Variants in TEP1 observed in about 807,000 individuals in gnomAD.
TEP1 encodes telomerase associated protein 1.
A neutral mutation model predicts 306.3 loss-of-function variants in TEP1; 241 were observed. That is an observed-to-expected ratio of 0.79 (90% CI 0.71 to 0.88). The LOEUF is 0.88. TEP1 is among the 40% of genes least tolerant of loss of function. TEP1 has a pLI of 0.00. For missense variants in TEP1, 3,051 were observed against 3,276.1 expected (o/e 0.93, Z 1.68); for synonymous variants, 1,289 against 1,305.5 (o/e 0.99, Z 0.27).
chr14:20,413,459 G>C lies in TEP1; in HGVS notation c.-79C>G, dbSNP rs898628984. The C allele has an allele frequency of 6.6e-6, 1 of 152,372 alleles. No homozygotes were observed. The highest frequency in any genetic ancestry group is 1.5e-5 in the Non-Finnish European group (1 of 68,188). 9.4% of individuals were successfully genotyped at this position (152,372 alleles called of 1,614,324 possible). A position where few individuals can be genotyped will look rare whatever the true frequency, so the allele number is the denominator to read the frequency against. ...CAGAAACTTCGCTCTGGATTCTGCC[G>C]GTGGGAAGGGTGGCAGCCGGGGGAG... is the stretch of plus-strand genomic sequence containing the variant. On this transcript the variant is annotated 5_prime_UTR_variant, in exon 1 of 55. Transcript: ENST00000262715.
intron 43 of TEP1, 72 bp from the exon 44 acceptor site, chr14:20,374,608 G>C: frequency 9.2e-7 from 1 of 1,084,528 alleles, no homozygotes; most frequent in Non-Finnish European, 1.3e-6. Context: ...TGTAGTGTAG[G>C]GTGGAAGGCG....
At chr14:20,375,296 A>C (rs956571686) in intron 43 of TEP1, among the ~76,000 whole-genome samples, 2 of 152,036 alleles carry the variant, frequency 1.3e-5, no homozygotes, top group Non-Finnish European at 2.9e-5. Flanking sequence ...AGCTGGGATT[A>C]CAGGCATGTG....
In TEP1 at chr14:20,384,091, C is replaced by G; in HGVS notation, c.3481G>C (p.Gly1161Arg). The G allele has an allele frequency of 6.2e-7, 1 of 1,613,816 alleles. No individual in the cohort carries two copies. Among genetic ancestry groups the G allele is most frequent in the African/African-American group, 1.3e-5 (1 of 75,034 alleles). ...TGCCCCGTCACCAGGCTCAGCCTTC[C>G]GTGGGGCAGCATCAGCCGTTGCACT... ...DTVQRLMLPH[G>R]RLSLVTGQSG... Residue 1161 changes from glycine (G) to arginine (R), a missense_variant, in exon 24 of 55, where the codon GGA becomes CGA. This residue lies in a region of TEP1 where 1,507 missense variants were observed against 1,550.5 expected (regional missense o/e 0.97). Coordinates refer to ENST00000262715, the MANE Select transcript of TEP1 (RefSeq NM_007110.5).
At position 20,376,283 on chromosome 14, in the gene TEP1, G is replaced by A; in HGVS notation, c.6089-19C>T. ...AAATCCTCTGCATTGGAAAAAGAGA[G>A]AGGGAACAGCTTCCTGAAAGAGGAA... On this transcript the variant is annotated intron_variant, in intron 41 of 54. Coordinates refer to ENST00000262715, the MANE Select transcript of TEP1 (RefSeq NM_007110.5). The A allele has an allele frequency of 9.3e-6, 15 of 1,605,542 alleles. No individual in the cohort carries two copies. Among genetic ancestry groups the A allele is most frequent in the Non-Finnish European group, 1.3e-5 (15 of 1,175,390 alleles).
chr14:20,381,438 A>G lies in TEP1; in HGVS notation c.4559-37T>C, dbSNP rs1876519787. The G allele has an allele frequency of 1.2e-6, 2 of 1,613,450 alleles. No individual in the cohort carries two copies. Among genetic ancestry groups the G allele is most frequent in the South Asian group, 1.1e-5 (1 of 91,080 alleles). Reference sequence around the variant, plus strand: ...GATATTGAGAAAGGCTCAGCCCTGCATCATTCCCAAGGGCAGTAGGTGAGC... The same window carrying G: ...GATATTGAGAAAGGCTCAGCCCTGCGTCATTCCCAAGGGCAGTAGGTGAGC... On this transcript the variant is annotated intron_variant, in intron 31 of 54. Coordinates refer to ENST00000262715, the MANE Select transcript of TEP1 (RefSeq NM_007110.5). The surrounding 1 kb of genome is among the most constrained non-coding windows in gnomAD (Gnocchi z 4.0).
Position 20,390,990 on chromosome 14 carries a change from T to G in TEP1, c.2204A>C (p.Lys735Thr), listed in dbSNP as rs1877657943. 9.3e-6 allele frequency: 15 copies of G among 1,614,164 alleles called. No individual in the cohort carries two copies. The highest frequency in any genetic ancestry group is 1.3e-5 in the Non-Finnish European group (15 of 1,180,032). Residue 735 changes from lysine to threonine, a missense_variant, in exon 14 of 55, where the codon AAG becomes ACG. Physicochemically the swap from Lys to Thr is moderately conservative, Grantham distance 78. Coordinates refer to ENST00000262715, the MANE Select transcript of TEP1 (RefSeq NM_007110.5). ...AGTCTTCAGGATGCCTTCTTCTGCC[T>G]TAAGCACTGCAGTCTTCAGAGTGTC... ...GGDTLKTAVLKAEEGILKTAI... is the reference protein window; with the variant it reads ...GGDTLKTAVLTAEEGILKTAI...
rs1338924911 is a variant in TEP1 at position 20,379,993 on chromosome 14, C to A, written c.5064G>T (p.Gly1688=). ...TGGCAGTGCCCACAGCTGCTCTTTG[C>A]CCATTGGTGGAGAAGGCCACAGCAG... ...SPTAVAFSTN[G]QRAAVGTANG... The change falls in exon 35 of 55, where the codon GGG becomes GGT. Residue 1688 remains glycine, a synonymous_variant. Transcript: ENST00000262715. 1 of 1,614,082 alleles carries A rather than the reference C, an allele frequency of 6.2e-7. No homozygotes were observed. Among genetic ancestry groups the A allele is most frequent in the South Asian group, 1.1e-5 (1 of 91,062 alleles).
chr14:20,386,231 TGGGG>T (rs747241041), intron 19 of TEP1, 36 bp from the exon 20 acceptor site: 1 of 1,613,062 alleles, frequency 6.2e-7, no homozygotes, highest in Non-Finnish European at 8.5e-7. Context: ...TGGGAGTCAC[TGGGG>T]GCATGGTATC....
intron 44 of TEP1, 102 bp from the exon 45 acceptor site, chr14:20,373,912 T>C (rs1885018531): frequency 4.1e-6 from 6 of 1,470,210 alleles, no homozygotes; most frequent in Non-Finnish European, 5.5e-6. Flanking sequence ...GCATGGAAGA[T>C]GTCAATGAGG....
chr14:20,401,446 C>A lies in TEP1; in HGVS notation c.1391+11G>T. 6.2e-7 allele frequency: 1 copy of A among 1,613,410 alleles called. No homozygotes were observed. Among genetic ancestry groups the A allele is most frequent in the Non-Finnish European group, 8.5e-7 (1 of 1,179,770 alleles). The stretch of plus-strand genomic sequence containing the variant: ...TTAGATGGAATGCATGCTCAGGGTG[C>A]AGCTTCTCACCTGTAACCCAGCAGG... On this transcript the variant is annotated intron_variant, in intron 8 of 54. Coordinates refer to ENST00000262715, the MANE Select transcript of TEP1 (RefSeq NM_007110.5).
At chr14:20,409,358 C>T (rs1354541978) in intron 1 of TEP1, among the ~76,000 whole-genome samples, 1 of 152,164 alleles carries the variant, frequency 6.6e-6, no homozygotes, top group East Asian at 1.9e-4. Context: ...TATTCTAATC[C>T]TTTTACATAC....
At chr14:20,369,832 C>G in intron 51 of TEP1, 53 bp from the exon 52 acceptor site, 1 of 1,419,656 alleles carries the variant, frequency 7.0e-7, no homozygotes, top group East Asian at 2.3e-5. Flanking sequence ...TCAACTTGTA[C>G]CAGACAAAAC....
chr14:20,370,308 A>C (rs1216554827), intron 51 of TEP1, among the ~76,000 whole-genome samples: 2 of 152,230 alleles, frequency 1.3e-5, no homozygotes, highest in African/African-American at 4.8e-5. Context: ...GAGCATTTCC[A>C]TCACCTCAGA....
At chr14:20,391,889 C>T (rs1199269216) in intron 12 of TEP1, 122 bp from the exon 13 acceptor site, 3 of 1,032,634 alleles carry the variant, frequency 2.9e-6, no homozygotes, top group East Asian at 2.5e-5. Context: ...GCACCATACC[C>T]GCTTCCACAG....
intron 5 of TEP1, among the ~76,000 whole-genome samples, chr14:20,404,148 C>T (rs371744900): frequency 5.3e-5 from 8 of 152,124 alleles, no homozygotes; most frequent in Admixed American, 1.3e-4. Context: ...TGAGGTCAGG[C>T]GTTCAAGACC....
In TEP1 at chr14:20,370,952, C is replaced by T. The variant is rs3818768; in HGVS notation, c.7317+266G>A. On this transcript the variant is annotated intron_variant, in intron 51 of 54. Coordinates refer to ENST00000262715, the MANE Select transcript of TEP1 (RefSeq NM_007110.5). Reference sequence around the variant, plus strand: ...TCATAGGGGCAAGACAAGAGAGACACGGGAAAAAATGCAATTGAGAAAACT... The same window carrying T: ...TCATAGGGGCAAGACAAGAGAGACATGGGAAAAAATGCAATTGAGAAAACT... Among the ~76,000 whole-genome samples the T allele has an allele frequency of 2.5e-3, 385 of 152,248 alleles. 7 individuals carry two copies. In the East Asian group the frequency reaches 0.051, roughly 20 times the overall value.
At position 20,389,710 on chromosome 14, in the gene TEP1, T is replaced by C. The variant is rs997245827; in HGVS notation, c.2365A>G (p.Met789Val). ...GCCACATTTATCATTCCATCATCCA[T>C]GCTTTGGCCAAGGAGGATGACCCTG... ...VDRVILLGQS[M>V]DDGMINVAKQ... The change falls in exon 16 of 55, where the codon ATG becomes GTG. Residue 789 changes from methionine (M) to valine (V), a missense_variant. Around this residue, in one of 3 missense-constraint regions of TEP1, gnomAD observed 1,507 missense variants for 1,550.5 expected, o/e 0.97. Transcript: ENST00000262715. The C allele has an allele frequency of 3.1e-6, 5 of 1,614,178 alleles. No homozygotes were observed. The African/African-American group carries it at 5.3e-5, about 17-fold the overall frequency.
chr14:20,410,480 T>G (rs1284023019), intron 1 of TEP1, among the ~76,000 whole-genome samples: 1 of 152,094 alleles, frequency 6.6e-6, no homozygotes, highest in South Asian at 2.1e-4. Context: ...TGGAGTGCAA[T>G]GGCACGATCT....
chr14:20,380,061 A>G lies in TEP1; in HGVS notation c.5004-8T>C. 6.2e-7 allele frequency: 1 copy of G among 1,607,750 alleles called. No homozygotes were observed. The highest frequency in any genetic ancestry group is 8.5e-7 in the Non-Finnish European group (1 of 1,178,108). On this transcript the variant is annotated splice_polypyrimidine_tract_variant and splice_region_variant and intron_variant, in intron 34 of 54. Coordinates refer to ENST00000262715, the MANE Select transcript of TEP1 (RefSeq NM_007110.5). ...GCCAGAGACAGGCTGGAGCTAGAGA[A>G]AGAGTAGGAAGAAAGGGAGGAAATA...
Sources: gnomAD v4.1 joint callset for allele counts (sites outside exome capture counted in the v4.1 genomes callset) on GRCh38, gnomAD v4.1.1 for gene constraint, gnomAD v4.1.1 regional missense constraint, Gnocchi (gnomAD v3.1) non-coding constraint, MANE v1.5 for transcripts, NCBI Gene and HGNC (gene_info 2026-07-23, HGNC 2026-07-21) for gene names.